Variants in LRRTM4 observed in about 807,000 individuals in gnomAD.
LRRTM4 encodes the protein leucine rich repeat transmembrane neuronal 4, also known as leucine-rich repeat transmembrane neuronal protein 4.
Under a neutral mutation model 47.6 loss-of-function variants are expected in LRRTM4, and 25 were observed. The ratio of observed to expected loss-of-function variants is 0.53; its 90% CI spans 0.38 to 0.73. The LOEUF is 0.73. LRRTM4 is among the 30% of genes least tolerant of loss of function. LRRTM4 has a pLI of 0.00. For synonymous variants in LRRTM4, 311 were observed against 269.5 expected (o/e 1.15, Z -1.51); for missense variants, 638 against 713.4 (o/e 0.89, Z 1.20).
intron 3 of LRRTM4, among the ~76,000 whole-genome samples, chr2:76,904,798 T>C (rs1673766404): frequency 6.6e-6 from 1 of 152,012 alleles, no homozygotes; most frequent in Non-Finnish European, 1.5e-5. Flanking sequence ...GTATAATATA[T>C]AAGAATACCT....
chr2:77,210,260 C>T (rs530307452), intron 3 of LRRTM4, among the ~76,000 whole-genome samples: 10 of 152,252 alleles, frequency 6.6e-5, no homozygotes, highest in Non-Finnish European at 1.3e-4. Flanking sequence ...TGCTTCTTAT[C>T]TCACAACACA....
intron 3 of LRRTM4, among the ~76,000 whole-genome samples, chr2:77,287,197 G>A (rs1168327047): frequency 6.6e-6 from 1 of 151,848 alleles, no homozygotes; most frequent in Non-Finnish European, 1.5e-5. Flanking sequence ...CAGAACAGGA[G>A]GGGTATAATG....
intron 3 of LRRTM4, among the ~76,000 whole-genome samples, chr2:77,163,707 C>T (rs1035853974): frequency 6.6e-6 from 1 of 152,128 alleles, no homozygotes; most frequent in Non-Finnish European, 1.5e-5. Context: ...TCGAGCCAAA[C>T]TAAGCTTCAT....
chr2:77,118,421 T>G (rs1671445394), intron 3 of LRRTM4, among the ~76,000 whole-genome samples: 1 of 151,962 alleles, frequency 6.6e-6, no homozygotes, highest in Non-Finnish European at 1.5e-5. Context: ...ATTCATTTTT[T>G]ATTATTTGCT....
At chr2:77,277,729 C>T (rs1676400806) in intron 3 of LRRTM4, among the ~76,000 whole-genome samples, 1 of 151,936 alleles carries the variant, frequency 6.6e-6, no homozygotes, top group Non-Finnish European at 1.5e-5. Context: ...GTGAATATAG[C>T]TCATTCGTAG....
chr2:77,360,539 TA>T (rs1211349056), intron 3 of LRRTM4, among the ~76,000 whole-genome samples: 2,098 of 137,110 alleles, frequency 0.015, 19 homozygotes, highest in East Asian at 0.028. Flanking sequence ...TACGATACAA[TA>T]CAATCATTCA....
chr2:77,012,243 C>A (rs986313987), intron 3 of LRRTM4, among the ~76,000 whole-genome samples: 4 of 151,716 alleles, frequency 2.6e-5, no homozygotes, highest in Admixed American at 2.6e-4. Flanking sequence ...TGGAATAATT[C>A]GTTAGAAATA....
At chr2:76,918,482 G>A (rs77655938) in intron 3 of LRRTM4, among the ~76,000 whole-genome samples, 1,579 of 152,242 alleles carry the variant, frequency 0.01, 31 homozygotes, top group African/African-American at 0.036. Flanking sequence ...ATAGTTTTAA[G>A]TTTTGTCTAG....
chr2:77,052,587 C>T (rs192797414), intron 3 of LRRTM4, among the ~76,000 whole-genome samples: 4 of 151,510 alleles, frequency 2.6e-5, no homozygotes, highest in Admixed American at 2.0e-4. Context: ...TTTTTTTTTA[C>T]TGATCTGAAG....
At chr2:77,262,067 A>G (rs1316616082) in intron 3 of LRRTM4, among the ~76,000 whole-genome samples, 4 of 152,040 alleles carry the variant, frequency 2.6e-5, no homozygotes, top group Non-Finnish European at 5.9e-5. Flanking sequence ...TGAGCATGCA[A>G]AGGATCTAGG....
At chr2:77,069,399 CTATGTGTG>C (rs1680072292) in intron 3 of LRRTM4, among the ~76,000 whole-genome samples, 1 of 123,582 alleles carries the variant, frequency 8.1e-6, no homozygotes, top group African/African-American at 3.9e-5. Context: ...CTACATTTCA[CTATGTGTG>C]TGTGTGTGTG....
intron 3 of LRRTM4, among the ~76,000 whole-genome samples, chr2:77,514,861 C>A (rs950713341): frequency 6.6e-6 from 1 of 151,812 alleles, no homozygotes; most frequent in African/African-American, 2.4e-5. Flanking sequence ...TTGTTCTTTA[C>A]AATTTCGAAG....
chr2:76,834,667 T>C (rs1394354071), intron 3 of LRRTM4, among the ~76,000 whole-genome samples: 2 of 152,126 alleles, frequency 1.3e-5, no homozygotes, highest in Non-Finnish European at 2.9e-5. Context: ...ACTCTTTATC[T>C]CTGAGCTAAG....
chr2:77,271,360 T>C (rs1297390476), intron 3 of LRRTM4, among the ~76,000 whole-genome samples: 1 of 152,176 alleles, frequency 6.6e-6, no homozygotes, highest in African/African-American at 2.4e-5. Flanking sequence ...AAAGGAGCAC[T>C]GTAACACCCC....
chr2:76,776,305 C>T (rs1265554056), intron 3 of LRRTM4, among the ~76,000 whole-genome samples: 5 of 152,074 alleles, frequency 3.3e-5, no homozygotes, highest in South Asian at 2.1e-4. Context: ...ATGGTATTTC[C>T]AGTTCCAGAT....
chr2:76,909,938 T>C (rs916123072), intron 3 of LRRTM4, among the ~76,000 whole-genome samples: 5 of 152,152 alleles, frequency 3.3e-5, no homozygotes, highest in African/African-American at 9.7e-5. Flanking sequence ...GTCAGTGTGG[T>C]GATTCCTCAG....
chr2:77,166,392 A>G (rs1196793567), intron 3 of LRRTM4, among the ~76,000 whole-genome samples: 4 of 152,202 alleles, frequency 2.6e-5, no homozygotes, highest in African/African-American at 9.6e-5. Context: ...CAAGATAATT[A>G]TAGATTCAAT....
chr2:76,807,441 TATACA>T, intron 3 of LRRTM4, among the ~76,000 whole-genome samples: 1 of 75,940 alleles, frequency 1.3e-5, no homozygotes, highest in African/African-American at 9.7e-5. Context: ...TATATACGTA[TATACA>T]TATATATATA....
chr2:77,238,043 G>GTA (rs762708784), intron 3 of LRRTM4, among the ~76,000 whole-genome samples: 27 of 152,202 alleles, frequency 1.8e-4, no homozygotes, highest in Non-Finnish European at 3.2e-4. Flanking sequence ...TAGCAGGTAT[G>GTA]TAGAATGAAC....
Sources: gnomAD v4.1 joint callset for allele counts (sites outside exome capture counted in the v4.1 genomes callset) on GRCh38, gnomAD v4.1.1 for gene constraint, MANE v1.5 for transcripts, NCBI Gene and HGNC (gene_info 2026-07-23, HGNC 2026-07-21) for gene names.